CAMTA1: variants seen among roughly 807,000 people sequenced by gnomAD.
CAMTA1 encodes calmodulin-binding transcription activator 1.
In CAMTA1, 27 loss-of-function variants were observed where a neutral mutation model predicts 170.9. The observed-to-expected ratio is 0.16, with a 90% CI of 0.12 to 0.22. The LOEUF is 0.22. Among genes scored for constraint, CAMTA1 ranks in the 10% least tolerant of loss-of-function variants. The probability of loss-of-function intolerance (pLI) is 1.00; values close to 1 mark genes in which losing one functional copy is unlikely to be tolerated. For synonymous variants in CAMTA1, 833 were observed against 891.5 expected (o/e 0.93, Z 1.17); for missense variants, 1,619 against 2,217.2 (o/e 0.73, Z 5.42).
intron 12 of CAMTA1, among the ~76,000 whole-genome samples, chr1:7,734,088 C>T (rs2149952828): frequency 6.6e-6 from 1 of 152,280 alleles, no homozygotes. Context: ...GCTGGGATTA[C>T]AGGCATGGGC....
intron 5 of CAMTA1, among the ~76,000 whole-genome samples, chr1:7,417,122 A>C (rs1165204869): frequency 2.0e-5 from 3 of 152,206 alleles, no homozygotes; most frequent in Non-Finnish European, 4.4e-5. Flanking sequence ...CTGCTGCCTG[A>C]TCGTTCCTCT....
intron 4 of CAMTA1, among the ~76,000 whole-genome samples, chr1:7,162,408 G>GT (rs991184810): frequency 2.6e-5 from 4 of 152,072 alleles, no homozygotes; most frequent in Non-Finnish European, 5.9e-5. Context: ...ACCCTAATCA[G>GT]TTTTCATCAT....
rs558651356 is a variant in CAMTA1 at position 7,633,398 on chromosome 1, G to T, written c.511-7002G>T. 3.3e-4 allele frequency among the ~76,000 whole-genome samples: 51 copies of T among 152,280 alleles called. No homozygotes were observed. The highest frequency in any genetic ancestry group is 1.1e-3 in the African/African-American group (45 of 41,564). Reference sequence around the variant, plus strand: ...AGAGCTGCAGAGGGGCAGAGAGCTCGTGGACCCCCCCAGATGCCACCCCTC... The same window carrying T: ...AGAGCTGCAGAGGGGCAGAGAGCTCTTGGACCCCCCCAGATGCCACCCCTC... On this transcript the variant is annotated intron_variant, in intron 6 of 22. Coordinates refer to ENST00000303635, the MANE Select transcript of CAMTA1 (RefSeq NM_015215.4). This position sits in a 1 kb window ranked among gnomAD's most constrained non-coding sequence, Gnocchi z 4.1.
At chr1:7,429,378 G>T (rs528920242) in intron 5 of CAMTA1, among the ~76,000 whole-genome samples, 15 of 152,176 alleles carry the variant, frequency 9.9e-5, no homozygotes, top group Non-Finnish European at 1.3e-4. Context: ...GCATAATGGT[G>T]GTGATGATGA....
rs1300675362 is a variant in CAMTA1, at chr1:7,249,572, A to G, written c.384A>G (p.Lys128=). 1.2e-6 allele frequency: 2 copies of G among 1,614,188 alleles called. No homozygotes were observed. Among genetic ancestry groups the G allele is most frequent in the East Asian group, 2.2e-5 (1 of 44,864 alleles). Residue 128 remains lysine, a synonymous_variant, in exon 5 of 23, where the codon AAA becomes AAG. Transcript: ENST00000303635. The surrounding 1 kb of genome is among the most constrained non-coding windows in gnomAD (Gnocchi z 4.4). ...ATGGGTATTGCTGGAAAAAGAGGAA[A>G]GATGGGAAAACGACCAGAGAGGACC... The part of the protein sequence containing the change: ...RKDGYCWKKR[K]DGKTTREDHM...
chr1:7,332,447 C>A (rs942535703), intron 5 of CAMTA1, among the ~76,000 whole-genome samples: 1 of 152,100 alleles, frequency 6.6e-6, no homozygotes, highest in Non-Finnish European at 1.5e-5. Context: ...TTTGCAGGAG[C>A]CTTTTCTATT....
intron 3 of CAMTA1, among the ~76,000 whole-genome samples, chr1:6,906,592 A>G (rs1424222958): frequency 6.6e-6 from 1 of 152,168 alleles, no homozygotes; most frequent in Middle Eastern, 3.2e-3. Context: ...GATACCTTTA[A>G]TAATTATTGT....
At chr1:7,137,631 C>T (rs193215516) in intron 4 of CAMTA1, among the ~76,000 whole-genome samples, 4 of 152,310 alleles carry the variant, frequency 2.6e-5, no homozygotes, top group Non-Finnish European at 5.9e-5. Flanking sequence ...TGCTCTGCTC[C>T]AGCTGAAGCT....
intron 3 of CAMTA1, among the ~76,000 whole-genome samples, chr1:6,903,888 CCTT>C (rs529285535): frequency 9.7e-4 from 148 of 152,278 alleles, no homozygotes; most frequent in Non-Finnish European, 1.8e-3. Context: ...ACATCGCAGA[CCTT>C]CTTTTTATCT....
intron 3 of CAMTA1, among the ~76,000 whole-genome samples, chr1:6,935,737 T>C (rs927926120): frequency 1.3e-5 from 2 of 152,244 alleles, no homozygotes; most frequent in African/African-American, 2.4e-5. Context: ...ATGATTTTCC[T>C]TCCTGGACTG....
In CAMTA1 at chr1:6,887,399, G is replaced by T. The variant is rs1673519567; in HGVS notation, c.234+62189G>T. 6.6e-6 allele frequency among the ~76,000 whole-genome samples: 1 copy of T among 152,122 alleles called. No homozygotes were observed. Among genetic ancestry groups the T allele is most frequent in the African/African-American group, 2.4e-5 (1 of 41,410 alleles). On this transcript the variant is annotated intron_variant, in intron 3 of 22. Coordinates refer to ENST00000303635, the MANE Select transcript of CAMTA1 (RefSeq NM_015215.4). The surrounding 1 kb of genome is among the most constrained non-coding windows in gnomAD (Gnocchi z 4.1). ...CGATTGCAAAAAGACCATTGTATGA[G>T]ACCCAGTTTTGGATTATCATAGGCG...
chr1:7,026,642 T>C (rs1702059288), intron 3 of CAMTA1, among the ~76,000 whole-genome samples: 1 of 149,254 alleles, frequency 6.7e-6, no homozygotes, highest in African/African-American at 2.5e-5. Context: ...CTGCTTTTTT[T>C]TTTTTTTTTT....
chr1:7,051,670 G>A (rs1706379101), intron 3 of CAMTA1, among the ~76,000 whole-genome samples: 1 of 151,890 alleles, frequency 6.6e-6, no homozygotes, highest in African/African-American at 2.4e-5. Flanking sequence ...TCCCTGCCAG[G>A]ACAGACTCAT....
At chr1:7,498,528 TTG>T (rs1345149726) in intron 6 of CAMTA1, among the ~76,000 whole-genome samples, 4 of 152,000 alleles carry the variant, frequency 2.6e-5, no homozygotes, top group East Asian at 3.9e-4. Context: ...CATAGGAATG[TTG>T]TGTTGCATGT....
chr1:7,690,238 C>A (rs2096295917), intron 11 of CAMTA1, among the ~76,000 whole-genome samples: 1 of 152,224 alleles, frequency 6.6e-6, no homozygotes, highest in Non-Finnish European at 1.5e-5. Context: ...TTGGCGAGGT[C>A]AAGTTTTGCC....
chr1:7,361,634 A>AAAG (rs2085543825), intron 5 of CAMTA1, among the ~76,000 whole-genome samples: 1 of 152,232 alleles, frequency 6.6e-6, no homozygotes, highest in Non-Finnish European at 1.5e-5. Context: ...GTCAAGATGA[A>AAAG]TCTCATTTCA....
At chr1:7,731,830 A>G (rs184178463) in intron 11 of CAMTA1, among the ~76,000 whole-genome samples, 1 of 152,282 alleles carries the variant, frequency 6.6e-6, no homozygotes, top group East Asian at 1.9e-4. Flanking sequence ...ATAAGCCTAG[A>G]TCACACCAAT....
chr1:7,073,416 C>G (rs1638897846), intron 3 of CAMTA1, among the ~76,000 whole-genome samples: 1 of 152,032 alleles, frequency 6.6e-6, no homozygotes, highest in African/African-American at 2.4e-5. Context: ...GTAGTCAGTG[C>G]AGAGATGACG....
Position 7,547,624 on chromosome 1 carries a change from T to C in CAMTA1, c.510+79723T>C, listed in dbSNP as rs909982586. On this transcript the variant is annotated intron_variant, in intron 6 of 22. Transcript: ENST00000303635. The surrounding 1 kb of genome is among the most constrained non-coding windows in gnomAD (Gnocchi z 5.7). ...TCCAACCCATGGCTTGTGGGCTGCC[T>C]GTGGCCCAGGACAGCTTTGAATGTG... 3.3e-5 allele frequency among the ~76,000 whole-genome samples: 5 copies of C among 152,180 alleles called. No individual in the cohort carries two copies. The highest frequency in any genetic ancestry group is 9.7e-5 in the African/African-American group (4 of 41,442).
Sources: allele counts gnomAD v4.1 joint callset (sites outside exome capture counted in the v4.1 genomes callset), GRCh38; gene constraint gnomAD v4.1.1; non-coding constraint Gnocchi (gnomAD v3.1); transcripts MANE v1.5; gene names NCBI Gene and HGNC (gene_info 2026-07-23, HGNC 2026-07-21).